Variants in MYO9B observed in about 807,000 individuals in gnomAD.
MYO9B encodes myosin IXB, also known as unconventional myosin-IXb.
MYO9B carries 71 observed loss-of-function variants against 229.5 expected under a neutral mutation model. The ratio of observed to expected loss-of-function variants is 0.31; its 90% CI spans 0.26 to 0.38. The LOEUF is 0.38. Among genes scored for constraint, MYO9B ranks in the 10% least tolerant of loss-of-function variants. The probability of loss-of-function intolerance (pLI) is 1.00; values close to 1 mark genes in which losing one functional copy is unlikely to be tolerated. For synonymous variants in MYO9B, 1,185 were observed against 1,235.8 expected (o/e 0.96, Z 0.86); for missense variants, 2,255 against 2,920.5 (o/e 0.77, Z 5.25).
chr19:17,111,518 C>T (rs1326984490), intron 2 of MYO9B, among the ~76,000 whole-genome samples: 1 of 152,036 alleles, frequency 6.6e-6, no homozygotes. Flanking sequence ...AAATTCCTGG[C>T]CTCAAGTGAT....
At chr19:17,145,805 G>A (rs1306948484) in intron 3 of MYO9B, among the ~76,000 whole-genome samples, 1 of 152,162 alleles carries the variant, frequency 6.6e-6, no homozygotes, top group East Asian at 1.9e-4. Flanking sequence ...CACAGGCAGT[G>A]GGGATGCGGA....
rs540672266 is a variant in MYO9B, at chr19:17,140,396, A to G, written c.841-5001A>G. On this transcript the variant is annotated intron_variant, in intron 2 of 39. Transcript: ENST00000682292. ...AGGGTGCTCTCTGGGGTTCTCTTCT[A>G]TAAGGGCACTAATCCCATTCATGAG... Among the ~76,000 whole-genome samples, 3 of 152,138 alleles carry G rather than the reference A, an allele frequency of 2.0e-5. No individual in the cohort carries two copies. In the South Asian group the frequency reaches 6.2e-4, roughly 32 times the overall value.
intron 38 of MYO9B, 28 bp from the exon 39 acceptor site, chr19:17,211,619 T>C: frequency 6.4e-7 from 1 of 1,567,354 alleles, no homozygotes; most frequent in Non-Finnish European, 8.7e-7. Flanking sequence ...TGGGGTGGCC[T>C]TGGACACCAC....
chr19:17,209,518 T>C, intron 35 of MYO9B, 68 bp from the exon 36 acceptor site: 1 of 1,502,960 alleles, frequency 6.7e-7, no homozygotes, highest in Middle Eastern at 2.1e-4. Context: ...CCAGCTAGCA[T>C]CTCCCTGGAC....
intron 2 of MYO9B, among the ~76,000 whole-genome samples, chr19:17,118,231 T>G (rs1018330082): frequency 1.3e-5 from 2 of 151,816 alleles, no homozygotes; most frequent in African/African-American, 4.8e-5. Flanking sequence ...TTTAGAGGCC[T>G]TTAGAGAGTA....
intron 2 of MYO9B, among the ~76,000 whole-genome samples, chr19:17,107,718 A>G (rs1312456440): frequency 6.6e-6 from 1 of 152,202 alleles, no homozygotes; most frequent in Non-Finnish European, 1.5e-5. Context: ...CTCTGTCGTC[A>G]GGGGCGTTCT....
At chr19:17,157,106 G>C in intron 7 of MYO9B, 68 bp downstream of exon 7, 1 of 1,546,450 alleles carries the variant, frequency 6.5e-7, no homozygotes, top group Non-Finnish European at 8.7e-7. Context: ...TCAGTACGAG[G>C]GACCATACCC....
chr19:17,155,225 T>C (rs2145282848), intron 6 of MYO9B, among the ~76,000 whole-genome samples: 1 of 152,104 alleles, frequency 6.6e-6, no homozygotes, highest in East Asian at 1.9e-4. Flanking sequence ...TCTCGCTCTT[T>C]CACCTAAGCT....
chr19:17,123,210 A>G (rs891091226), intron 2 of MYO9B, among the ~76,000 whole-genome samples: 1 of 152,240 alleles, frequency 6.6e-6, no homozygotes, highest in African/African-American at 2.4e-5. Context: ...GGCTTCAGGA[A>G]GTTAAAAACA....
intron 25 of MYO9B, 105 bp from the exon 26 acceptor site, chr19:17,200,534 C>T (rs2073095448): frequency 6.6e-7 from 1 of 1,509,146 alleles, no homozygotes; most frequent in East Asian, 2.5e-5. Context: ...AAGCCCTAGG[C>T]ACAGAGCCAG....
At chr19:17,087,232 T>C (rs2057591695) in intron 1 of MYO9B, among the ~76,000 whole-genome samples, 1 of 152,172 alleles carries the variant, frequency 6.6e-6, no homozygotes, top group South Asian at 2.1e-4. Context: ...CGGAGAGCAC[T>C]TGGGCCACGG....
intron 2 of MYO9B, among the ~76,000 whole-genome samples, chr19:17,116,256 T>C (rs138693002): frequency 2.8e-3 from 431 of 152,298 alleles, no homozygotes; most frequent in Middle Eastern, 0.017. Flanking sequence ...ATGGAACCTG[T>C]GGGCCCAGAG....
chr19:17,128,226 AT>A (rs1555695940), intron 2 of MYO9B, among the ~76,000 whole-genome samples: 3 of 147,584 alleles, frequency 2.0e-5, no homozygotes, highest in East Asian at 2.0e-4. Context: ...AAAAAAAAAA[AT>A]TTTTTTTTTT....
chr19:17,175,773 A>G (rs1310408381), intron 14 of MYO9B, 32 bp downstream of exon 14: 1 of 1,492,406 alleles, frequency 6.7e-7, no homozygotes, highest in Admixed American at 2.0e-5. Context: ...CCAAACTGAA[A>G]TCATTAGGTG....
intron 11 of MYO9B, among the ~76,000 whole-genome samples, chr19:17,171,689 C>T (rs755317705): frequency 1.3e-5 from 2 of 152,198 alleles, no homozygotes; most frequent in African/African-American, 4.8e-5. Context: ...CGGTGGCTCA[C>T]GCCTATAATC....
chr19:17,189,554 T>G (rs1401532128), intron 19 of MYO9B, among the ~76,000 whole-genome samples: 2 of 150,904 alleles, frequency 1.3e-5, no homozygotes, highest in South Asian at 2.1e-4. Flanking sequence ...ATTGCTTGAG[T>G]CTGGGAGGTT....
At chr19:17,183,983 C>A in intron 16 of MYO9B, 115 bp downstream of exon 16, 7 of 1,044,608 alleles carry the variant, frequency 6.7e-6, no homozygotes, top group Non-Finnish European at 8.3e-6. Flanking sequence ...CTATCTCCCC[C>A]TCCCTCCAAG....
intron 2 of MYO9B, among the ~76,000 whole-genome samples, chr19:17,107,212 T>A (rs2145056320): frequency 6.6e-6 from 1 of 152,244 alleles, no homozygotes; most frequent in Non-Finnish European, 1.5e-5. Flanking sequence ...CCAGCCTGGG[T>A]GACAGAGCAA....
chr19:17,085,129 G>C (rs1244704893), intron 1 of MYO9B, among the ~76,000 whole-genome samples: 1 of 152,160 alleles, frequency 6.6e-6, no homozygotes, highest in East Asian at 1.9e-4. Flanking sequence ...TGAGCTTCAA[G>C]GGGAGCTGGG....
Sources: allele counts gnomAD v4.1 joint callset (sites outside exome capture counted in the v4.1 genomes callset), GRCh38; gene constraint gnomAD v4.1.1; transcripts MANE v1.5; gene names NCBI Gene and HGNC (gene_info 2026-07-23, HGNC 2026-07-21).